C1orf21: variants seen among roughly 807,000 people sequenced by gnomAD.
C1orf21 encodes uncharacterized protein C1orf21.
In C1orf21, 3 loss-of-function variants were observed where a neutral mutation model predicts 18.7. That is an observed-to-expected ratio of 0.16 (90% CI 0.07 to 0.42). The LOEUF (loss-of-function observed/expected upper bound fraction) is 0.42. Among genes scored for constraint, C1orf21 ranks in the 10% least tolerant of loss-of-function variants. The probability of loss-of-function intolerance (pLI) is 0.99; values close to 1 mark genes in which losing one functional copy is unlikely to be tolerated. For synonymous variants in C1orf21, 41 were observed against 46.4 expected, an observed-to-expected ratio of 0.88 and a Z score of 0.47; for missense variants, 104 against 143.6, an observed-to-expected ratio of 0.72 and a Z score of 1.41.
intron 3 of C1orf21, among the ~76,000 whole-genome samples, chr1:184,553,279 G>T (rs1437131088): frequency 6.6e-6 from 1 of 152,126 alleles, no homozygotes; most frequent in Admixed American, 6.5e-5. Context: ...GAGAATATCT[G>T]CTGGATTTCC....
Position 184,544,612 on chromosome 1 carries a change from G to A in C1orf21, c.189+36930G>A, listed in dbSNP as rs149763754. On this transcript the variant is annotated intron_variant, in intron 3 of 5. Coordinates refer to ENST00000235307, the MANE Select transcript of C1orf21 (RefSeq NM_030806.4). ...ATTGATCTACGTAGTCTACTGCTAC[G>A]ACTTCACCATACGTGATGTATTAGT... is the stretch of plus-strand genomic sequence containing the variant. Among the ~76,000 whole-genome samples, 61 of 152,224 alleles carry A rather than the reference G, an allele frequency of 4.0e-4. No homozygotes were observed. The East Asian group carries it at 6.0e-3, about 15-fold the overall frequency.
At chr1:184,572,708 C>T (rs1266086753) in intron 3 of C1orf21, among the ~76,000 whole-genome samples, 6 of 152,104 alleles carry the variant, frequency 3.9e-5, no homozygotes, top group African/African-American at 1.4e-4. Context: ...AATCCCAGCA[C>T]TTTGGAAGGC....
At chr1:184,527,243 T>C (rs1658390835) in intron 3 of C1orf21, among the ~76,000 whole-genome samples, 1 of 152,158 alleles carries the variant, frequency 6.6e-6, no homozygotes, top group Non-Finnish European at 1.5e-5. Context: ...CACCAAGTAA[T>C]TGTTGGGTCC....
At chr1:184,609,074 T>G (rs868293670) in intron 5 of C1orf21, among the ~76,000 whole-genome samples, 39 of 152,294 alleles carry the variant, frequency 2.6e-4, no homozygotes, top group African/African-American at 8.9e-4. Flanking sequence ...CCTCAAACAG[T>G]GTCACCCCCC....
rs1251810636 is a variant in C1orf21, at chr1:184,623,144, T to A, written c.*3588T>A. The A allele has an allele frequency of 6.6e-6, 1 of 152,206 alleles. No individual in the cohort carries two copies. The highest frequency in any genetic ancestry group is 1.5e-5 in the Non-Finnish European group (1 of 68,038). 9.4% of individuals were successfully genotyped at this position (152,206 alleles called of 1,614,324 possible). ...TGGCATGTGGATTACAAGTCCTGCT[T>A]TGACACTGGGCAAGAATTTAAGATT... On this transcript the variant is annotated 3_prime_UTR_variant, in exon 6 of 6. Coordinates refer to ENST00000235307, the MANE Select transcript of C1orf21 (RefSeq NM_030806.4).
chr1:184,412,666 G>T (rs1656373918), intron 1 of C1orf21, among the ~76,000 whole-genome samples: 1 of 152,064 alleles, frequency 6.6e-6, no homozygotes, highest in Admixed American at 6.6e-5. Flanking sequence ...AAAATAGTTG[G>T]GCATGGTGGC....
At chr1:184,503,745 G>A (rs1163311281) in intron 2 of C1orf21, among the ~76,000 whole-genome samples, 1 of 152,162 alleles carries the variant, frequency 6.6e-6, no homozygotes, top group Non-Finnish European at 1.5e-5. Flanking sequence ...GAACTCGTGG[G>A]TCAGACCCCA....
rs759579997 is a variant in C1orf21, at chr1:184,598,352, G to C, written c.267-49G>C. ...CTGCATTTTTCCTTTGAGGGGACCAGGTTTAGCAAAGCACTAAAATATGCA... is the reference window on the plus strand; with the variant it reads ...CTGCATTTTTCCTTTGAGGGGACCACGTTTAGCAAAGCACTAAAATATGCA... On this transcript the variant is annotated intron_variant, in intron 4 of 5. Coordinates refer to ENST00000235307, the MANE Select transcript of C1orf21 (RefSeq NM_030806.4). 5 of 1,574,892 alleles carry C rather than the reference G, an allele frequency of 3.2e-6. No homozygotes were observed. In the African/African-American group the frequency reaches 4.1e-5, roughly 13 times the overall value.
chr1:184,503,718 T>A (rs1658010814), intron 2 of C1orf21, among the ~76,000 whole-genome samples: 2 of 152,290 alleles, frequency 1.3e-5, no homozygotes, highest in South Asian at 2.1e-4. Flanking sequence ...TCTGACCTAT[T>A]GCTAGCTACA....
intron 4 of C1orf21, among the ~76,000 whole-genome samples, chr1:184,593,521 A>G (rs761128693): frequency 2.0e-5 from 3 of 152,222 alleles, no homozygotes; most frequent in Non-Finnish European, 2.9e-5. Context: ...TCATACCACC[A>G]TGAAGGCATG....
Position 184,425,370 on chromosome 1 carries a change from A to G in C1orf21, c.-125+38002A>G, listed in dbSNP as rs1224101539. Among the ~76,000 whole-genome samples the G allele has an allele frequency of 4.0e-5, 6 of 151,498 alleles. No homozygotes were observed. In the South Asian group the frequency reaches 6.3e-4, roughly 16 times the overall value. On this transcript the variant is annotated intron_variant, in intron 1 of 5. Transcript: ENST00000235307. ...AGCCTCCACCTCCTGGGTTCAAGCA[A>G]TCCTCCTGCCTCAGCCTCCAGAGTA...
chr1:184,422,360 T>TAC (rs1656559181), intron 1 of C1orf21, among the ~76,000 whole-genome samples: 1 of 152,144 alleles, frequency 6.6e-6, no homozygotes, highest in Admixed American at 6.5e-5. Context: ...ATAAGCAAAA[T>TAC]TTGTGTAACA....
intron 5 of C1orf21, among the ~76,000 whole-genome samples, chr1:184,610,726 T>C (rs955192216): frequency 6.6e-6 from 1 of 151,726 alleles, no homozygotes; most frequent in African/African-American, 2.4e-5. Context: ...CAGGCGCCTG[T>C]AGTCCCAGGT....
At chr1:184,566,277 C>A (rs1378691930) in intron 3 of C1orf21, among the ~76,000 whole-genome samples, 2 of 152,176 alleles carry the variant, frequency 1.3e-5, no homozygotes, top group Non-Finnish European at 1.5e-5. Context: ...TGACTCTTTC[C>A]CCGCCACAGT....
intron 5 of C1orf21, among the ~76,000 whole-genome samples, chr1:184,607,047 A>T (rs189352164): frequency 2.2e-4 from 33 of 152,322 alleles, no homozygotes; most frequent in African/African-American, 7.9e-4. Context: ...TCACAATTCT[A>T]TCAAGTGCAG....
At chr1:184,428,582 C>T (rs535149870) in intron 1 of C1orf21, among the ~76,000 whole-genome samples, 3 of 152,266 alleles carry the variant, frequency 2.0e-5, no homozygotes, top group South Asian at 4.1e-4. Context: ...CTTAATGATA[C>T]GAACATCAAG....
chr1:184,506,066 T>C (rs1658056683), intron 2 of C1orf21, among the ~76,000 whole-genome samples: 1 of 152,192 alleles, frequency 6.6e-6, no homozygotes, highest in Non-Finnish European at 1.5e-5. Context: ...TTTTGTATTG[T>C]AATTGTGGAT....
intron 2 of C1orf21, among the ~76,000 whole-genome samples, chr1:184,496,601 A>G (rs900637948): frequency 7.2e-5 from 11 of 152,210 alleles, no homozygotes; most frequent in African/African-American, 2.7e-4. Flanking sequence ...GTCATGCATT[A>G]TACTTGAAAA....
chr1:184,391,681 A>G (rs915180109), intron 1 of C1orf21, among the ~76,000 whole-genome samples: 2 of 152,044 alleles, frequency 1.3e-5, no homozygotes, highest in African/African-American at 4.8e-5. Flanking sequence ...CATACCAAGC[A>G]TGATGTCCTC....
Sources: allele counts gnomAD v4.1 joint callset (sites outside exome capture counted in the v4.1 genomes callset), GRCh38; gene constraint gnomAD v4.1.1; transcripts MANE v1.5; gene names NCBI Gene and HGNC (gene_info 2026-07-23, HGNC 2026-07-21).